CCDC102B: variants seen among roughly 807,000 people sequenced by gnomAD.
CCDC102B encodes the protein coiled-coil domain containing 102B.
Under a neutral mutation model 57.4 loss-of-function variants are expected in CCDC102B, and 75 were observed. The observed-to-expected ratio is 1.31, with a 90% CI of 1.08 to 1.58. CCDC102B has a LOEUF of 1.58. CCDC102B is among the 40% of genes most tolerant of loss of function. The pLI, the probability that CCDC102B is intolerant of heterozygous loss-of-function variation, is 0.00. For synonymous variants in CCDC102B, 206 were observed against 201.9 expected, an observed-to-expected ratio of 1.02 and a Z score of -0.17; for missense variants, 636 against 582.6, an observed-to-expected ratio of 1.09 and a Z score of -0.94.
chr18:68,858,126 A>G (rs2038564493), intron 4 of CCDC102B, among the ~76,000 whole-genome samples: 1 of 152,196 alleles, frequency 6.6e-6, no homozygotes, highest in African/African-American at 2.4e-5. Flanking sequence ...TGATGTCTGC[A>G]CATGGTGTGC....
intron 1 of CCDC102B, among the ~76,000 whole-genome samples, chr18:68,833,754 T>C (rs182187551): frequency 3.3e-5 from 5 of 152,324 alleles, no homozygotes; most frequent in Non-Finnish European, 2.9e-5. Flanking sequence ...ATAATATTTT[T>C]TAGTGATATT....
At chr18:68,768,592 A>G (rs2144607682) in intron 2 of CCDC102B, among the ~76,000 whole-genome samples, 1 of 152,322 alleles carries the variant, frequency 6.6e-6, no homozygotes, top group Non-Finnish European at 1.5e-5. Context: ...ATATTTAGTT[A>G]CCAAAGTCAA....
At chr18:68,948,232 A>G (rs1187876682) in intron 6 of CCDC102B, among the ~76,000 whole-genome samples, 1 of 152,134 alleles carries the variant, frequency 6.6e-6, no homozygotes, top group Non-Finnish European at 1.5e-5. Flanking sequence ...AATTAGAATT[A>G]CAGTTAAAGC....
chr18:68,744,265 G>T (rs1348716709), intron 2 of CCDC102B, among the ~76,000 whole-genome samples: 1 of 152,116 alleles, frequency 6.6e-6, no homozygotes, highest in Non-Finnish European at 1.5e-5. Context: ...GACTTGTCTT[G>T]GAACTAAGTA....
chr18:68,796,327 T>C (rs1213164327), upstream of CCDC102B, among the ~76,000 whole-genome samples: 1 of 152,152 alleles, frequency 6.6e-6, no homozygotes, highest in Non-Finnish European at 1.5e-5. Context: ...CCAGAATTTT[T>C]CTTTGGGAAA....
At position 68,995,849 on chromosome 18, in the gene CCDC102B, G is replaced by T. The variant is rs368819344; in HGVS notation, c.1264-15085G>T. ...GGTAGATCCACTGACAGCTTGAACC[G>T]TGTGCTTGGAAAAGTCACAGGCACT... On this transcript the variant is annotated intron_variant, in intron 6 of 7. Coordinates refer to ENST00000360242, the MANE Select transcript of CCDC102B (RefSeq NM_024781.3). Among the ~76,000 whole-genome samples the T allele has an allele frequency of 1.9e-4, 29 of 152,206 alleles. No homozygotes were observed. The Middle Eastern group carries it at 0.01, about 54-fold the overall frequency.
intron 2 of CCDC102B, among the ~76,000 whole-genome samples, chr18:68,787,901 G>A (rs1001077409): frequency 2.6e-5 from 4 of 150,994 alleles, no homozygotes; most frequent in Admixed American, 1.3e-4. Context: ...TGCTTTTCTA[G>A]TTCTTTTAAT....
At chr18:68,798,071 C>T (rs1199822196), upstream of CCDC102B, 1 of 152,016 alleles carries the variant, frequency 6.6e-6, no homozygotes, top group Non-Finnish European at 1.5e-5. Context: ...GGAAATAATC[C>T]TGTTGGCTAG....
chr18:69,033,104 C>A (rs1159815304), intron 7 of CCDC102B, among the ~76,000 whole-genome samples: 1 of 152,028 alleles, frequency 6.6e-6, no homozygotes, highest in Non-Finnish European at 1.5e-5. Flanking sequence ...GTCATAGATT[C>A]AAGTGACACA....
At chr18:68,771,869 T>TACACACACACACACACAC (rs57733183) in intron 2 of CCDC102B, among the ~76,000 whole-genome samples, 2 of 142,026 alleles carry the variant, frequency 1.4e-5, no homozygotes, top group African/African-American at 2.6e-5. Flanking sequence ...TACTCTGAAA[T>TACACACACACACACACAC]ACACACACAC....
At chr18:68,990,198 T>G (rs2050828014) in intron 6 of CCDC102B, among the ~76,000 whole-genome samples, 2 of 152,196 alleles carry the variant, frequency 1.3e-5, no homozygotes, top group South Asian at 4.1e-4. Flanking sequence ...TGTTAATATA[T>G]TCAGGAAGTT....
At position 68,857,221 on chromosome 18, in the gene CCDC102B, T is replaced by A. The variant is rs1306870834; in HGVS notation, c.936+10800T>A. Among the ~76,000 whole-genome samples the A allele has an allele frequency of 2.9e-5, 2 of 69,678 alleles. 1 individual carries two copies. The highest frequency in any genetic ancestry group is 5.4e-5 in the Non-Finnish European group (2 of 36,820). 45.7% of individuals were successfully genotyped at this position (69,678 alleles called of 152,430 possible). On this transcript the variant is annotated intron_variant, in intron 4 of 7. Coordinates refer to ENST00000360242, the MANE Select transcript of CCDC102B (RefSeq NM_024781.3). ...TTTATATAATATATAAAAATATATTTATATATTTTTATATATAAATATATA... is the reference window on the plus strand; with the variant it reads ...TTTATATAATATATAAAAATATATTAATATATTTTTATATATAAATATATA...
At chr18:68,768,873 A>G (rs1010699313) in intron 2 of CCDC102B, among the ~76,000 whole-genome samples, 1 of 152,292 alleles carries the variant, frequency 6.6e-6, no homozygotes, top group Middle Eastern at 3.4e-3. Flanking sequence ...TTCTTAAACT[A>G]TTATAACAAG....
At chr18:68,967,658 T>C (rs1376506797) in intron 6 of CCDC102B, among the ~76,000 whole-genome samples, 6 of 152,128 alleles carry the variant, frequency 3.9e-5, no homozygotes, top group East Asian at 1.9e-4. Flanking sequence ...GTTGAAAAGA[T>C]GTATGATTTC....
intron 7 of CCDC102B, among the ~76,000 whole-genome samples, chr18:69,035,281 AC>A (rs2052259459): frequency 6.6e-6 from 1 of 152,054 alleles, no homozygotes; most frequent in Non-Finnish European, 1.5e-5. Flanking sequence ...CAAGGATGCT[AC>A]TTAATTTAAA....
chr18:68,812,590 A>G (rs1198240540), intron 1 of CCDC102B, among the ~76,000 whole-genome samples: 2 of 152,220 alleles, frequency 1.3e-5, no homozygotes, highest in East Asian at 3.8e-4. Context: ...TGTGTCTTTC[A>G]GATGTTGAAT....
chr18:69,045,504 T>G (rs1242963036), intron 7 of CCDC102B, among the ~76,000 whole-genome samples: 1 of 152,154 alleles, frequency 6.6e-6, no homozygotes, highest in Admixed American at 6.6e-5. Context: ...CATTTTAAAT[T>G]AATTTTACAT....
chr18:69,053,859 G>A (rs1568153151), intron 7 of CCDC102B, among the ~76,000 whole-genome samples, 171 bp from the exon 8 acceptor site: 1 of 151,744 alleles, frequency 6.6e-6, no homozygotes, highest in Non-Finnish European at 1.5e-5. Flanking sequence ...AGCTAATCAA[G>A]CTACTTAATA....
chr18:68,872,370 A>C (rs2039272376), intron 4 of CCDC102B, among the ~76,000 whole-genome samples: 1 of 152,120 alleles, frequency 6.6e-6, no homozygotes, highest in Non-Finnish European at 1.5e-5. Context: ...CCGGGACCAA[A>C]CTTCAGTACA....
Sources: allele counts gnomAD v4.1 joint callset (sites outside exome capture counted in the v4.1 genomes callset), GRCh38; gene constraint gnomAD v4.1.1; transcripts MANE v1.5; gene names NCBI Gene and HGNC (gene_info 2026-07-23, HGNC 2026-07-21).